CFAP61: variants seen among roughly 807,000 people sequenced by gnomAD.
The protein encoded by CFAP61 is cilia and flagella associated protein 61, also known as cilia- and flagella-associated protein 61.
CFAP61 carries 107 observed loss-of-function variants against 135.6 expected under a neutral mutation model. The observed-to-expected ratio is 0.79, with a 90% CI of 0.67 to 0.93. The LOEUF (loss-of-function observed/expected upper bound fraction) is 0.93. Among genes scored for constraint, CFAP61 ranks in the 40% least tolerant of loss-of-function variants. The pLI, the probability that CFAP61 is intolerant of heterozygous loss-of-function variation, is 0.00. For missense variants in CFAP61, 1,507 were observed against 1,556.2 expected (o/e 0.97, Z 0.53); for synonymous variants, 575 against 578.5 (o/e 0.99, Z 0.09).
intron 18 of CFAP61, among the ~76,000 whole-genome samples, chr20:20,233,139 G>A (rs1392271471): frequency 2.0e-5 from 3 of 152,226 alleles, no homozygotes; most frequent in Admixed American, 6.5e-5. Flanking sequence ...GTGCAGTTCC[G>A]CACAATATCC....
intron 22 of CFAP61, among the ~76,000 whole-genome samples, chr20:20,287,302 A>G (rs2054655904): frequency 6.6e-6 from 1 of 152,232 alleles, no homozygotes; most frequent in Middle Eastern, 3.2e-3. Flanking sequence ...GGGAGGACCA[A>G]GGACATCATA....
intron 18 of CFAP61, among the ~76,000 whole-genome samples, chr20:20,235,700 G>A (rs2049536828): frequency 6.6e-6 from 1 of 152,184 alleles, no homozygotes; most frequent in African/African-American, 2.4e-5. Context: ...CACATAAAAT[G>A]ATGCACAAGA....
intron 25 of CFAP61, among the ~76,000 whole-genome samples, chr20:20,314,534 A>T (rs924158798): frequency 2.2e-4 from 33 of 149,202 alleles, no homozygotes; most frequent in East Asian, 1.2e-3. Flanking sequence ...ATTATTATTT[A>T]TTTTTTTTAT....
chr20:20,186,489 A>G (rs2055508377), intron 13 of CFAP61, among the ~76,000 whole-genome samples: 1 of 152,030 alleles, frequency 6.6e-6, no homozygotes, highest in Non-Finnish European at 1.5e-5. Flanking sequence ...AAATTCATGT[A>G]CAGGTTTTGT....
chr20:20,238,033 A>C (rs1458913371), intron 18 of CFAP61, among the ~76,000 whole-genome samples: 3 of 152,184 alleles, frequency 2.0e-5, no homozygotes, highest in South Asian at 2.1e-4. Context: ...CCAAAATAAA[A>C]ATTTTTTTAA....
chr20:20,348,373 A>G (rs2058706182), intron 26 of CFAP61, among the ~76,000 whole-genome samples: 1 of 152,108 alleles, frequency 6.6e-6, no homozygotes, highest in South Asian at 2.1e-4. Context: ...AAATGAATCA[A>G]TGTAATACAC....
At chr20:20,196,545 A>G in intron 15 of CFAP61, 25 bp from the exon 16 acceptor site, 1 of 1,544,532 alleles carries the variant, frequency 6.5e-7, no homozygotes, top group Non-Finnish European at 9.0e-7. Flanking sequence ...GCTTGTAGAA[A>G]CCATCCCTTC....
At chr20:20,313,125 G>C (rs12185775) in intron 25 of CFAP61, among the ~76,000 whole-genome samples, 11,703 of 152,202 alleles carry the variant, frequency 0.077, 643 homozygotes, top group Non-Finnish European at 0.11. Flanking sequence ...GATTTAATGA[G>C]ATCATAAGGA....
chr20:20,153,747 C>G (rs1336107775), intron 9 of CFAP61, among the ~76,000 whole-genome samples: 1 of 152,018 alleles, frequency 6.6e-6, no homozygotes, highest in Non-Finnish European at 1.5e-5. Flanking sequence ...AAGTCCAGGA[C>G]CAGATGAATT....
intron 9 of CFAP61, among the ~76,000 whole-genome samples, chr20:20,157,591 C>T (rs946048590): frequency 2.6e-5 from 4 of 152,128 alleles, no homozygotes; most frequent in African/African-American, 9.7e-5. Flanking sequence ...TCAATCCATA[C>T]CTCACACCAT....
At chr20:20,224,804 T>C (rs1315164544) in intron 17 of CFAP61, among the ~76,000 whole-genome samples, 1 of 152,236 alleles carries the variant, frequency 6.6e-6, no homozygotes, top group Non-Finnish European at 1.5e-5. Context: ...CCATCCATAT[T>C]ATTCTTGGTA....
At chr20:20,313,071 C>T (rs2056922280) in intron 25 of CFAP61, among the ~76,000 whole-genome samples, 1 of 152,174 alleles carries the variant, frequency 6.6e-6, no homozygotes, top group African/African-American at 2.4e-5. Flanking sequence ...CTCTAACCCC[C>T]TATGTGACTG....
rs2057404421 is a variant in CFAP61, at chr20:20,320,392, A to ATTATATATG, written c.3423-21438_3423-21437insTATATATGT. 4.0e-4 allele frequency among the ~76,000 whole-genome samples: 2 copies of ATTATATATG among 5,062 alleles called. 1 individual carries two copies. The highest frequency in any genetic ancestry group is 0.01 in the South Asian group (2 of 198). 3.3% of individuals were successfully genotyped at this position (5,062 alleles called of 152,430 possible). On this transcript the variant is annotated intron_variant, in intron 25 of 26. Coordinates refer to ENST00000245957, the MANE Select transcript of CFAP61 (RefSeq NM_015585.4). ...TATATATTATATATATGTAATATAT[A>ATTATATATG]TAATATATGTAATATATGTAATATA... is the stretch of plus-strand genomic sequence containing the variant.
chr20:20,098,849 T>C (rs2047791253), intron 8 of CFAP61, 35 bp downstream of exon 8: 1 of 1,583,232 alleles, frequency 6.3e-7, no homozygotes, highest in Non-Finnish European at 8.6e-7. Context: ...ACTGGGAAAT[T>C]AAATCTATGC....
chr20:20,205,306 A>G (rs949601998), intron 17 of CFAP61, among the ~76,000 whole-genome samples: 5 of 152,176 alleles, frequency 3.3e-5, no homozygotes, highest in Admixed American at 6.5e-5. Flanking sequence ...AGTTACTGCA[A>G]TTACCATCCT....
intron 1 of CFAP61, 115 bp downstream of exon 1, chr20:20,052,706 T>A: frequency 6.2e-7 from 1 of 1,610,018 alleles, no homozygotes; most frequent in South Asian, 1.1e-5. Context: ...CGAGTGGCTC[T>A]GTCGAGCCGT....
At position 20,196,724 on chromosome 20, in the gene CFAP61, G is replaced by C. The variant is rs2056318433; in HGVS notation, c.1745G>C (p.Gly582Ala). The C allele has an allele frequency of 6.2e-7, 1 of 1,614,152 alleles. No homozygotes were observed. The highest frequency in any genetic ancestry group is 2.2e-5 in the East Asian group (1 of 44,870). The change falls in exon 16 of 27, where the codon GGC becomes GCC. Residue 582 changes from glycine (G) to alanine (A), a missense_variant. Gly to Ala is a moderately conservative substitution (Grantham distance 60). Coordinates refer to ENST00000245957, the MANE Select transcript of CFAP61 (RefSeq NM_015585.4). ...KFFLKEILRLGFKSCLYYRVY... is the reference protein window; with the variant it reads ...KFFLKEILRLAFKSCLYYRVY... ...TTTCTGAAGGAGATCCTGCGTTTAG[G>C]CTTTAAATCCTGTCTCTACTACCGT...
At chr20:20,297,893 G>A (rs1487961167) in intron 24 of CFAP61, among the ~76,000 whole-genome samples, 1 of 152,170 alleles carries the variant, frequency 6.6e-6, no homozygotes, top group Non-Finnish European at 1.5e-5. Flanking sequence ...CTTATTAGCT[G>A]GGTGTGCAGT....
At chr20:20,202,405 T>A (rs1284816306) in intron 17 of CFAP61, among the ~76,000 whole-genome samples, 1 of 152,232 alleles carries the variant, frequency 6.6e-6, no homozygotes, top group Admixed American at 6.5e-5. Context: ...TTAGATTTAG[T>A]AAACAAGATT....
Sources: allele counts gnomAD v4.1 joint callset (sites outside exome capture counted in the v4.1 genomes callset), GRCh38; gene constraint gnomAD v4.1.1; transcripts MANE v1.5; gene names NCBI Gene and HGNC (gene_info 2026-07-23, HGNC 2026-07-21).